ATP10A: variants seen among roughly 807,000 people sequenced by gnomAD.
ATP10A encodes the protein ATPase phospholipid transporting 10A (putative), also known as phospholipid-transporting ATPase VA.
In ATP10A, 111 loss-of-function variants were observed where a neutral mutation model predicts 147.8. That is an observed-to-expected ratio of 0.75 (90% CI 0.64 to 0.88). The LOEUF is 0.88. Among genes scored for constraint, ATP10A ranks in the 40% least tolerant of loss-of-function variants. The pLI, the probability that ATP10A is intolerant of heterozygous loss-of-function variation, is 0.00. For synonymous variants in ATP10A, 875 were observed against 841.6 expected (o/e 1.04, Z -0.69); for missense variants, 1,927 against 1,959.0 (o/e 0.98, Z 0.31).
intron 1 of ATP10A, among the ~76,000 whole-genome samples, chr15:25,831,272 C>T (rs189267332): frequency 1.3e-5 from 2 of 152,346 alleles, no homozygotes; most frequent in East Asian, 1.9e-4. Flanking sequence ...GCTGCAATTA[C>T]ACATTGTTGG....
chr15:25,724,363 G>A (rs568262636), intron 5 of ATP10A, among the ~76,000 whole-genome samples: 1 of 152,296 alleles, frequency 6.6e-6, no homozygotes, highest in Admixed American at 6.5e-5. Context: ...CGAAATACCT[G>A]TCTCATGAAA....
rs377295624 is a variant in ATP10A, at chr15:25,827,966, GT to G, written c.449+34681del. Among the ~76,000 whole-genome samples, 25 of 152,212 alleles carry G rather than the reference GT, an allele frequency of 1.6e-4. No homozygotes were observed. In the East Asian group the frequency reaches 2.3e-3, roughly 14 times the overall value. On this transcript the variant is annotated intron_variant, in intron 1 of 20. Transcript: ENST00000555815. The stretch of plus-strand genomic sequence containing the variant: ...GTAAAAGGATGAAAAAAGTTACACT[GT>G]GCAAAAAGTAACCAAAAGAGCTGAA...
At chr15:25,711,985 A>C (rs1392968934) in intron 10 of ATP10A, among the ~76,000 whole-genome samples, 2 of 152,176 alleles carry the variant, frequency 1.3e-5, no homozygotes, top group Non-Finnish European at 2.9e-5. Context: ...AGGCCAGGCC[A>C]CCACTGTTCC....
At chr15:25,739,055 A>C (rs1044548836) in intron 2 of ATP10A, among the ~76,000 whole-genome samples, 30 of 152,270 alleles carry the variant, frequency 2.0e-4, no homozygotes, top group African/African-American at 7.0e-4. Flanking sequence ...AACGTCCCCC[A>C]AAATTTAAAT....
chr15:25,790,483 C>G (rs1450549782), intron 1 of ATP10A, among the ~76,000 whole-genome samples: 1 of 152,166 alleles, frequency 6.6e-6, no homozygotes, highest in East Asian at 1.9e-4. Context: ...GCGGAACTCA[C>G]CCCCAGAGGG....
chr15:25,768,683 ATTTTTTTTTTTTTT>A (rs143608940), intron 2 of ATP10A, among the ~76,000 whole-genome samples: 1 of 89,646 alleles, frequency 1.1e-5, no homozygotes, highest in South Asian at 4.0e-4. Context: ...AGCTGGGCTA[ATTTTTTTTTTTTTT>A]TTTTTTTTTT....
At chr15:25,733,538 T>C (rs558745113) in intron 3 of ATP10A, among the ~76,000 whole-genome samples, 2 of 152,162 alleles carry the variant, frequency 1.3e-5, no homozygotes, top group South Asian at 4.1e-4. Context: ...GGGGCAAGTA[T>C]TAACACACTG....
intron 1 of ATP10A, among the ~76,000 whole-genome samples, chr15:25,846,487 C>A (rs959443049): frequency 2.6e-5 from 4 of 152,074 alleles, no homozygotes; most frequent in Admixed American, 6.6e-5. Flanking sequence ...GTCAGAGCGC[C>A]CCACCCCTCA....
At chr15:25,770,975 T>C (rs561600422) in intron 2 of ATP10A, among the ~76,000 whole-genome samples, 8 of 152,212 alleles carry the variant, frequency 5.3e-5, no homozygotes, top group Non-Finnish European at 1.0e-4. Flanking sequence ...TTGGGTTAAA[T>C]GAAGGCTTCC....
chr15:25,844,430 C>T lies in ATP10A; in HGVS notation c.449+18218G>A, dbSNP rs74339760. Among the ~76,000 whole-genome samples the T allele has an allele frequency of 3.3e-3, 496 of 152,280 alleles. 2 individuals are homozygous for T. The highest frequency in any genetic ancestry group is 0.011 in the African/African-American group (471 of 41,548). On this transcript the variant is annotated intron_variant, in intron 1 of 20. Coordinates refer to ENST00000555815, the MANE Select transcript of ATP10A (RefSeq NM_024490.4). ...AAGAGATATTTTTCTATTTTATCAC[C>T]ATGTTCCTAGTCCATTTGATTTTAT...
intron 2 of ATP10A, among the ~76,000 whole-genome samples, chr15:25,769,928 T>C (rs985645492): frequency 6.6e-6 from 1 of 152,090 alleles, no homozygotes; most frequent in Admixed American, 6.6e-5. Context: ...AGGACTGGTG[T>C]CCTTAAAGAA....
chr15:25,812,921 GAC>G (rs2140822693), intron 1 of ATP10A, among the ~76,000 whole-genome samples: 1 of 152,336 alleles, frequency 6.6e-6, no homozygotes, highest in East Asian at 1.9e-4. Flanking sequence ...ATGATTTTTA[GAC>G]ACAGGAATGA....
chr15:25,785,801 T>C (rs1178992541), intron 1 of ATP10A, among the ~76,000 whole-genome samples: 3 of 152,120 alleles, frequency 2.0e-5, no homozygotes, highest in Non-Finnish European at 4.4e-5. Flanking sequence ...GAGGACATCG[T>C]TGAATGGGCA....
intron 2 of ATP10A, among the ~76,000 whole-genome samples, chr15:25,769,625 G>T (rs557025019): frequency 1.3e-5 from 2 of 151,992 alleles, no homozygotes; most frequent in South Asian, 2.1e-4. Context: ...TGGAACTGCA[G>T]TTTCTAGCTG....
chr15:25,695,048 C>A lies in ATP10A; in HGVS notation c.2859G>T (p.Arg953Ser), dbSNP rs533695913. The A allele has an allele frequency of 1.1e-5, 17 of 1,614,072 alleles. No homozygotes were observed. In the East Asian group the frequency reaches 3.1e-4, roughly 30 times the overall value. ...PEKTKGKVSM[R>S]FSSLCPPSTS... ...TGGAGGGTGGGCAGAGAGAGGAGAA[C>A]CTCATGCTCACTTTGCCCTTGGTCT... The change falls in exon 14 of 21, where the codon AGG (arginine) becomes AGT (serine). Residue 953 changes from arginine (R) to serine (S), a missense_variant. Arg to Ser is a moderately radical substitution (Grantham distance 110). Transcript: ENST00000555815.
chr15:25,833,936 C>T (rs981272545), intron 1 of ATP10A, among the ~76,000 whole-genome samples: 5 of 151,864 alleles, frequency 3.3e-5, no homozygotes, highest in African/African-American at 7.3e-5. Flanking sequence ...GGCGCCACTG[C>T]ACTCCAGCCT....
Position 25,763,312 on chromosome 15 carries a change from T to C in ATP10A, c.654+17707A>G, listed in dbSNP as rs531606655. Among the ~76,000 whole-genome samples the C allele has an allele frequency of 2.0e-5, 3 of 152,324 alleles. 1 individual carries two copies. Among genetic ancestry groups the C allele is most frequent in the African/African-American group, 7.2e-5 (3 of 41,576 alleles). ...CATCCTTTTAATTCTAGATCACTAA[T>C]TTAACATCCGCTCATCTGTTGGTCT... On this transcript the variant is annotated intron_variant, in intron 2 of 20. Coordinates refer to ENST00000555815, the MANE Select transcript of ATP10A (RefSeq NM_024490.4).
At chr15:25,780,972 T>G (rs759896855) in intron 2 of ATP10A, 47 bp downstream of exon 2, 3 of 1,587,756 alleles carry the variant, frequency 1.9e-6, no homozygotes, top group African/African-American at 2.7e-5. Flanking sequence ...ATGGGGACAC[T>G]GTGTGGCTGT....
intron 3 of ATP10A, among the ~76,000 whole-genome samples, chr15:25,730,820 T>A (rs963930531): frequency 5.3e-5 from 8 of 152,254 alleles, no homozygotes; most frequent in Non-Finnish European, 7.3e-5. Flanking sequence ...CAGATGTTCA[T>A]ATCTAACAAA....
Sources: allele counts gnomAD v4.1 joint callset (sites outside exome capture counted in the v4.1 genomes callset), GRCh38; gene constraint gnomAD v4.1.1; transcripts MANE v1.5; gene names NCBI Gene and HGNC (gene_info 2026-07-23, HGNC 2026-07-21).